VWCE: variants seen among roughly 807,000 people sequenced by gnomAD.
The protein encoded by VWCE is von Willebrand factor C and EGF domain-containing protein.
A neutral mutation model predicts 102.9 loss-of-function variants in VWCE; 68 were observed. The ratio of observed to expected loss-of-function variants is 0.66; its 90% CI spans 0.54 to 0.81. The LOEUF is 0.81. VWCE is among the 30% of genes least tolerant of loss of function. VWCE has a pLI of 0.00. For synonymous variants in VWCE, 497 were observed against 515.4 expected (o/e 0.96, Z 0.48); for missense variants, 1,137 against 1,263.6 (o/e 0.90, Z 1.52).
At chr11:61,265,540 G>A (rs1171313139) in intron 16 of VWCE, among the ~76,000 whole-genome samples, 1 of 152,158 alleles carries the variant, frequency 6.6e-6, no homozygotes, top group Non-Finnish European at 1.5e-5. Flanking sequence ...AAAGCCCGAG[G>A]CTGAGAACAA....
chr11:61,293,718 T>G (rs560992177), intron 1 of VWCE, among the ~76,000 whole-genome samples: 1 of 152,314 alleles, frequency 6.6e-6, no homozygotes, highest in Non-Finnish European at 1.5e-5. Flanking sequence ...CGCTGGGCAC[T>G]GGGGACATGG....
intron 1 of VWCE, among the ~76,000 whole-genome samples, chr11:61,292,815 G>C (rs764749330): frequency 1.3e-5 from 2 of 152,112 alleles, no homozygotes; most frequent in Admixed American, 6.5e-5. Flanking sequence ...GGAGGGTCAG[G>C]GGGGGTTCCT....
chr11:61,288,120 G>C (rs772972785), intron 4 of VWCE, among the ~76,000 whole-genome samples: 19 of 132,762 alleles, frequency 1.4e-4, no homozygotes, highest in Non-Finnish European at 2.6e-4. Context: ...TCGCACCACT[G>C]CACTCCAGCC....
intron 11 of VWCE, among the ~76,000 whole-genome samples, chr11:61,275,755 G>A (rs1854883699): frequency 6.6e-6 from 1 of 152,128 alleles, no homozygotes; most frequent in South Asian, 2.1e-4. Flanking sequence ...AGTCAGCAGG[G>A]AACATCCATG....
At chr11:61,263,174 G>A (rs995801202) in intron 19 of VWCE, among the ~76,000 whole-genome samples, 7 of 152,230 alleles carry the variant, frequency 4.6e-5, no homozygotes, top group African/African-American at 1.7e-4. Context: ...GGGCATGGTG[G>A]TGTGCGCCTA....
intron 18 of VWCE, 148 bp downstream of exon 18, chr11:61,264,808 C>T (rs1854462107): frequency 5.0e-6 from 5 of 992,232 alleles, no homozygotes; most frequent in South Asian, 1.6e-5. Flanking sequence ...ATGGTCAAAA[C>T]CAAAGATATT....
chr11:61,285,615 C>G (rs1158839976), intron 5 of VWCE, among the ~76,000 whole-genome samples: 1 of 152,150 alleles, frequency 6.6e-6, no homozygotes, highest in Non-Finnish European at 1.5e-5. Context: ...CCCATGGCTC[C>G]TCGGGACTCA....
At chr11:61,286,182 C>T in intron 5 of VWCE, 132 bp downstream of exon 5, 1 of 894,188 alleles carries the variant, frequency 1.1e-6, no homozygotes. Flanking sequence ...TAGCATCTCC[C>T]TCCGAAGCCG....
intron 16 of VWCE, 90 bp downstream of exon 16, chr11:61,267,372 G>A: frequency 7.7e-7 from 1 of 1,293,216 alleles, no homozygotes; most frequent in Non-Finnish European, 1.1e-6. Context: ...TTGTCTTGGA[G>A]GTCTCTGGAT....
chr11:61,278,620 T>C, intron 9 of VWCE, 144 bp from the exon 10 acceptor site: 1 of 731,344 alleles, frequency 1.4e-6, no homozygotes, highest in Admixed American at 2.4e-5. Context: ...TTCAGGGTAC[T>C]CTGACTGTGT....
intron 4 of VWCE, among the ~76,000 whole-genome samples, chr11:61,289,980 T>C (rs540392047): frequency 6.6e-6 from 1 of 152,360 alleles, no homozygotes; most frequent in African/African-American, 2.4e-5. Flanking sequence ...ACAGATTTTG[T>C]CCGTAGAAAT....
chr11:61,280,632 G>C lies in VWCE; in HGVS notation c.1316C>G (p.Ser439Trp). ...IPSRDGGCCP[S>W]CTGCFHSGVV... ...CTGGCACCAGCTCTCACCTGTGCAC[G>C]ATGGGCAGCACCCACCATCTCTGGA... Residue 439 changes from serine (S) to tryptophan (W), a missense_variant, in exon 9 of 20, where the codon TCG becomes TGG. Coordinates refer to ENST00000335613, the MANE Select transcript of VWCE (RefSeq NM_152718.2). The C allele has an allele frequency of 6.2e-7, 1 of 1,614,086 alleles. No individual in the cohort carries two copies. The highest frequency in any genetic ancestry group is 1.3e-5 in the African/African-American group (1 of 75,036).
rs948919740 is a variant in VWCE at position 61,288,801 on chromosome 11, A to G, written c.424+1998T>C. On this transcript the variant is annotated intron_variant, in intron 4 of 19. Transcript: ENST00000335613. ...GGACCCAACAGCGTCCTTCTGGGAAATAATCAGAGAAGCTGACAGGAAGCC... is the reference window on the plus strand; with the variant it reads ...GGACCCAACAGCGTCCTTCTGGGAAGTAATCAGAGAAGCTGACAGGAAGCC... 8.6e-5 allele frequency among the ~76,000 whole-genome samples: 13 copies of G among 151,586 alleles called. No homozygotes were observed. In the South Asian group the frequency reaches 1.7e-3, roughly 19 times the overall value.
intron 10 of VWCE, among the ~76,000 whole-genome samples, chr11:61,277,870 G>A (rs1030752743): frequency 6.6e-6 from 1 of 151,840 alleles, no homozygotes; most frequent in African/African-American, 2.4e-5. Flanking sequence ...ACAGAGGCTC[G>A]CTCTGTCGCC....
rs1307495948 is a variant in VWCE, at chr11:61,294,969, G to A, written c.69C>T (p.Gly23=). The A allele has an allele frequency of 6.8e-7, 1 of 1,472,030 alleles. No homozygotes were observed. The highest frequency in any genetic ancestry group is 9.0e-7 in the Non-Finnish European group (1 of 1,112,826). 91.2% of individuals were successfully genotyped at this position (1,472,030 alleles called of 1,614,324 possible). Residue 23 remains glycine (G), a synonymous_variant, in exon 1 of 20, where the codon GGC becomes GGT. Coordinates refer to ENST00000335613, the MANE Select transcript of VWCE (RefSeq NM_152718.2). This position sits in a 1 kb window ranked among gnomAD's most constrained non-coding sequence, Gnocchi z 6.3. ...ALLLPGAPAR[G]YTGRKPPGHF... is the part of the protein sequence containing the mutation. ...GCCCGGGCGGCTTCCTCCCGGTGTA[G>A]CCTCGGGCTGGTGCCCCCGGCAGCA...
intron 9 of VWCE, among the ~76,000 whole-genome samples, chr11:61,278,901 T>C (rs1381217360): frequency 6.6e-6 from 1 of 151,728 alleles, no homozygotes; most frequent in Non-Finnish European, 1.5e-5. Context: ...TAGCTGGGCG[T>C]GGTGGCGTGT....
rs572855243 is a variant in VWCE, at chr11:61,281,634, G to A, written c.787+152C>T. 2.2e-4 allele frequency: 239 copies of A among 1,076,038 alleles called. 1 individual carries two copies. In the African/African-American group the frequency reaches 3.7e-3, roughly 17 times the overall value. 66.7% of individuals were successfully genotyped at this position (1,076,038 alleles called of 1,614,324 possible). A position where few individuals can be genotyped will look rare whatever the true frequency, so the allele number is the denominator to read the frequency against. On this transcript the variant is annotated intron_variant, in intron 7 of 19. Coordinates refer to ENST00000335613, the MANE Select transcript of VWCE (RefSeq NM_152718.2). ...AAAGGGAGCCTAGCGCCAGGTGGGC[G>A]GGGCCGGGGTAGGGCGGGGCCAGGA...
At chr11:61,266,743 T>C (rs1451251353) in intron 16 of VWCE, among the ~76,000 whole-genome samples, 1 of 152,162 alleles carries the variant, frequency 6.6e-6, no homozygotes, top group East Asian at 1.9e-4. Context: ...CTTGGTTTTC[T>C]CATCCAGAAG....
rs1294307065 is a variant in VWCE at position 61,295,048 on chromosome 11, G to A, written c.-11C>T. The A allele has an allele frequency of 2.2e-6, 3 of 1,364,828 alleles. No homozygotes were observed. The highest frequency in any genetic ancestry group is 3.3e-5 in the Admixed American group (1 of 30,476). The allele number at this position is 1,364,828 out of a possible 1,614,324, so 84.5% of individuals were successfully genotyped here. On this transcript the variant is annotated 5_prime_UTR_variant, in exon 1 of 20. Coordinates refer to ENST00000335613, the MANE Select transcript of VWCE (RefSeq NM_152718.2). This position sits in a 1 kb window ranked among gnomAD's most constrained non-coding sequence, Gnocchi z 4.6. ...CAGTCCGGCCCACATGACCGGCGGC[G>A]GCGGGTCCCCCGGGCTGGGCTCGGC...
Sources: gnomAD v4.1 joint callset for allele counts (sites outside exome capture counted in the v4.1 genomes callset) on GRCh38, gnomAD v4.1.1 for gene constraint, Gnocchi (gnomAD v3.1) non-coding constraint, MANE v1.5 for transcripts, NCBI Gene and HGNC (gene_info 2026-07-23, HGNC 2026-07-21) for gene names.